The following TANGO2 variants were observed in gnomAD, a reference collection of about 807,000 sequenced individuals.
TANGO2 encodes transport and golgi organization 2 homolog, also known as transport and Golgi organization protein 2 homolog.
Under a neutral mutation model 39.1 loss-of-function variants are expected in TANGO2, and 26 were observed. That is an observed-to-expected ratio of 0.67 (90% CI 0.49 to 0.92). TANGO2 has a LOEUF of 0.92. Ranked by LOEUF, TANGO2 falls within the 40% of genes least tolerant of loss-of-function variation. The pLI is 0.00. For missense variants in TANGO2, 326 were observed against 360.1 expected, an observed-to-expected ratio of 0.91 and a Z score of 0.77; for synonymous variants, 131 against 144.5, an observed-to-expected ratio of 0.91 and a Z score of 0.67.
intron 2 of TANGO2, chr22:20,037,185 G>A: frequency 1.4e-6 from 2 of 1,396,612 alleles, no homozygotes; most frequent in Non-Finnish European, 1.9e-6. Flanking sequence ...AACGGCGTCA[G>A]TGAGTGAGAG....
intron 3 of TANGO2, among the ~76,000 whole-genome samples, 194 bp from the exon 4 acceptor site, chr22:20,052,271 C>T (rs1211418530): frequency 1.3e-5 from 2 of 152,214 alleles, no homozygotes; most frequent in Admixed American, 6.5e-5. Flanking sequence ...ACCCATGAAC[C>T]CCAGGGGCTG....
chr22:20,046,956 A>C (rs1451847932), intron 3 of TANGO2, among the ~76,000 whole-genome samples: 2 of 152,192 alleles, frequency 1.3e-5, no homozygotes, highest in African/African-American at 4.8e-5. Context: ...GCACAGTGTC[A>C]GCATCTGCTT....
intron 5 of TANGO2, chr22:20,055,418 C>A (rs1291667695): frequency 5.8e-6 from 1 of 173,842 alleles, no homozygotes; most frequent in African/African-American, 2.4e-5. Context: ...AGTCACTATG[C>A]CCAGCTCTAC....
intron 1 of TANGO2, among the ~76,000 whole-genome samples, chr22:20,026,689 C>G (rs1310563149): frequency 6.6e-6 from 1 of 152,256 alleles, no homozygotes; most frequent in African/African-American, 2.4e-5. Flanking sequence ...GCCTAGCAGT[C>G]AGTACCCATG....
intron 2 of TANGO2, among the ~76,000 whole-genome samples, chr22:20,039,978 G>A (rs1381491078): frequency 6.6e-6 from 1 of 152,152 alleles, no homozygotes; most frequent in Admixed American, 6.6e-5. Context: ...ATAAAGCCGA[G>A]GTGACTTGCC....
At position 20,057,596 on chromosome 22, in the gene TANGO2, C is replaced by T. The variant is rs1025690001; in HGVS notation, c.451+1583C>T. 2.6e-5 allele frequency among the ~76,000 whole-genome samples: 4 copies of T among 152,334 alleles called. No individual in the cohort carries two copies. Among genetic ancestry groups the T allele is most frequent in the South Asian group, 2.1e-4 (1 of 4,828 alleles). On this transcript the variant is annotated intron_variant, in intron 6 of 8. Transcript: ENST00000327374. This position sits in a 1 kb window ranked among gnomAD's most constrained non-coding sequence, Gnocchi z 4.1. ...GTGGCACAGACACAGAGACTACCAG[C>T]GAGGCAGGGATGTGGCCCCAGAAGG...
At chr22:20,056,274 C>G in intron 6 of TANGO2, 1 of 661,036 alleles carries the variant, frequency 1.5e-6, no homozygotes, top group South Asian at 1.5e-5. Context: ...CGCAGCCCTG[C>G]AGCCCAGCCG....
At chr22:20,038,488 C>T (rs889461753) in intron 2 of TANGO2, among the ~76,000 whole-genome samples, 6 of 152,096 alleles carry the variant, frequency 3.9e-5, no homozygotes. Context: ...TGGTCAGTGC[C>T]ACCCAGCCCC....
At chr22:20,037,161 G>A (rs551577600) in intron 2 of TANGO2, 172 of 1,468,704 alleles carry the variant, frequency 1.2e-4, no homozygotes, top group Middle Eastern at 3.7e-4. Context: ...AGGGTCGGGC[G>A]GCAGAACTGG....
chr22:20,045,499 CTTTTT>C (rs695487), intron 3 of TANGO2, among the ~76,000 whole-genome samples: 1 of 112,534 alleles, frequency 8.9e-6, no homozygotes. Context: ...GCCATCACTT[CTTTTT>C]TTTTTTTTTT....
At chr22:20,030,136 C>T (rs1271949231) in intron 1 of TANGO2, among the ~76,000 whole-genome samples, 7 of 145,844 alleles carry the variant, frequency 4.8e-5, no homozygotes, top group African/African-American at 1.0e-4. Context: ...AGGGCATTCT[C>T]GTGTAAGCAG....
rs574928310 is a variant in TANGO2 at position 20,029,293 on chromosome 22, G to A, written c.-39-7467G>A. Among the ~76,000 whole-genome samples the A allele has an allele frequency of 2.6e-5, 4 of 152,314 alleles. No homozygotes were observed. In the South Asian group the frequency reaches 8.3e-4, roughly 32 times the overall value. ...GGGGTGGCTCTCAGAAGCAGAAGGT[G>A]GGCAGAGAGGACGGTGCACGCTGGG... On this transcript the variant is annotated intron_variant, in intron 1 of 8. Coordinates refer to ENST00000327374, the MANE Select transcript of TANGO2 (RefSeq NM_152906.7).
intron 1 of TANGO2, among the ~76,000 whole-genome samples, chr22:20,033,625 G>T (rs571493545): frequency 1.3e-5 from 2 of 152,356 alleles, no homozygotes; most frequent in South Asian, 4.1e-4. Flanking sequence ...TTCCAGTAGA[G>T]ACCAGCTGGC....
At chr22:20,022,414 GTAGGGT>G (rs2039887395) in intron 1 of TANGO2, among the ~76,000 whole-genome samples, 1 of 152,162 alleles carries the variant, frequency 6.6e-6, no homozygotes, top group South Asian at 2.1e-4. Flanking sequence ...GTGGTCCAGG[GTAGGGT>G]GCCCTGGTGC....
intron 1 of TANGO2, among the ~76,000 whole-genome samples, chr22:20,034,097 C>T (rs1202170894): frequency 2.6e-5 from 4 of 152,042 alleles, no homozygotes; most frequent in East Asian, 1.9e-4. Flanking sequence ...CCCAGCTACT[C>T]GGGAGGCTGA....
chr22:20,023,302 T>A (rs538387638), intron 1 of TANGO2, among the ~76,000 whole-genome samples: 3,230 of 152,200 alleles, frequency 0.021, 126 homozygotes, highest in African/African-American at 0.075. Context: ...CCCCTTTTTT[T>A]TTGTTTTTAC....
intron 1 of TANGO2, among the ~76,000 whole-genome samples, chr22:20,036,444 T>A (rs1348862773): frequency 1.3e-5 from 2 of 152,216 alleles, no homozygotes; most frequent in Admixed American, 1.3e-4. Flanking sequence ...TCACTTCTGC[T>A]GCCCCCCGGG....
chr22:20,060,145 C>G (rs570004946), intron 6 of TANGO2, among the ~76,000 whole-genome samples: 2 of 151,858 alleles, frequency 1.3e-5, no homozygotes, highest in East Asian at 3.9e-4. Flanking sequence ...GTCAGGAGAT[C>G]GAGACCATCC....
At chr22:20,038,075 C>T (rs906097826) in intron 2 of TANGO2, among the ~76,000 whole-genome samples, 20 of 152,010 alleles carry the variant, frequency 1.3e-4, no homozygotes, top group East Asian at 3.8e-4. Flanking sequence ...GGCAACAGAG[C>T]GAGACTGCAT....
Sources: allele counts gnomAD v4.1 joint callset (sites outside exome capture counted in the v4.1 genomes callset), GRCh38; gene constraint gnomAD v4.1.1; non-coding constraint Gnocchi (gnomAD v3.1); transcripts MANE v1.5; gene names NCBI Gene and HGNC (gene_info 2026-07-23, HGNC 2026-07-21).